SLC30A3: variants seen among roughly 807,000 people sequenced by gnomAD.
SLC30A3 encodes solute carrier family 30 member 3, also known as probable proton-coupled zinc antiporter SLC30A3.
Under a neutral mutation model 35.6 loss-of-function variants are expected in SLC30A3, and 20 were observed. The observed-to-expected ratio is 0.56, with a 90% confidence interval of 0.39 to 0.82. The LOEUF is 0.82. SLC30A3 is among the 40% of genes least tolerant of loss of function. The probability of loss-of-function intolerance (pLI) is 0.00; values close to 1 mark genes in which losing one functional copy is unlikely to be tolerated. For missense variants in SLC30A3, 401 were observed against 530.6 expected, an observed-to-expected ratio of 0.76 and a Z score of 2.40; for synonymous variants, 217 against 224.7, an observed-to-expected ratio of 0.97 and a Z score of 0.31.
At chr2:27,260,321 G>T (rs1410495051) in intron 1 of SLC30A3, among the ~76,000 whole-genome samples, 1 of 152,186 alleles carries the variant, frequency 6.6e-6, no homozygotes, top group Non-Finnish European at 1.5e-5. Flanking sequence ...ATGGCAGTGG[G>T]AGGAGCATGT....
Position 27,258,980 on chromosome 2 carries a change from G to C in SLC30A3, c.96-46C>G. The C allele has an allele frequency of 6.7e-7, 1 of 1,483,034 alleles. No homozygotes were observed. The highest frequency in any genetic ancestry group is 2.3e-5 in the East Asian group (1 of 43,580). The allele number at this position is 1,483,034 out of a possible 1,614,324, so 91.9% of individuals were successfully genotyped here. On this transcript the variant is annotated intron_variant, in intron 1 of 7. Coordinates refer to ENST00000233535, the MANE Select transcript of SLC30A3 (RefSeq NM_003459.5). The surrounding 1 kb of genome is among the most constrained non-coding windows in gnomAD (Gnocchi z 4.0). ...CAACCTGGGCCTGGCCCACAGGCTGGCCTGCTCACTCCACGTCCTTAGTCC... is the reference window on the plus strand; with the variant it reads ...CAACCTGGGCCTGGCCCACAGGCTGCCCTGCTCACTCCACGTCCTTAGTCC...
rs1346073119 is a variant in SLC30A3, at chr2:27,262,557, G to A, written c.95+255C>T. Among the ~76,000 whole-genome samples, 1 of 152,056 alleles carries A rather than the reference G, an allele frequency of 6.6e-6. No individual in the cohort carries two copies. Among genetic ancestry groups the A allele is most frequent in the Non-Finnish European group, 1.5e-5 (1 of 67,992 alleles). ...CGCGGGGGTGGCGGAGGGGTCCGGCGGCCTGGGACGCCGGCCGGAGGGGAG... is the reference window on the plus strand; with the variant it reads ...CGCGGGGGTGGCGGAGGGGTCCGGCAGCCTGGGACGCCGGCCGGAGGGGAG... On this transcript the variant is annotated intron_variant, in intron 1 of 7. Coordinates refer to ENST00000233535, the MANE Select transcript of SLC30A3 (RefSeq NM_003459.5). The surrounding 1 kb of genome is among the most constrained non-coding windows in gnomAD (Gnocchi z 7.5).
At chr2:27,268,452 G>T (rs1427153178) in intron 1 of SLC30A3, among the ~76,000 whole-genome samples, 1 of 152,180 alleles carries the variant, frequency 6.6e-6, no homozygotes, top group Non-Finnish European at 1.5e-5. Flanking sequence ...CTGTTTGATT[G>T]CTGTGAAAGG....
At chr2:27,261,988 G>A (rs180712574) in intron 1 of SLC30A3, 77 of 152,636 alleles carry the variant, frequency 5.0e-4, no homozygotes, top group African/African-American at 1.7e-3. Context: ...AGAAAAAGCC[G>A]GAGACCCTGC....
Position 27,255,017 on chromosome 2 carries a change from T to C in SLC30A3, c.*295A>G, listed in dbSNP as rs553918714. ...GATGTTCGTGGCTCCACATGAACCATGGGGAGATGGCACCACAGGCCTTCA... is the reference window on the plus strand; with the variant it reads ...GATGTTCGTGGCTCCACATGAACCACGGGGAGATGGCACCACAGGCCTTCA... On this transcript the variant is annotated 3_prime_UTR_variant, in exon 8 of 8. Transcript: ENST00000233535. This position sits in a 1 kb window ranked among gnomAD's most constrained non-coding sequence, Gnocchi z 5.2. 1 of 1,269,660 alleles carries C rather than the reference T, an allele frequency of 7.9e-7. No individual in the cohort carries two copies. The highest frequency in any genetic ancestry group is 1.0e-6 in the Non-Finnish European group (1 of 971,838). The allele number at this position is 1,269,660 out of a possible 1,614,324, so 78.6% of individuals were successfully genotyped here. A position where few individuals can be genotyped will look rare whatever the true frequency, so the allele number is the denominator to read the frequency against.
intron 1 of SLC30A3, among the ~76,000 whole-genome samples, chr2:27,274,322 C>G (rs1677886200): frequency 6.6e-6 from 1 of 152,014 alleles, no homozygotes; most frequent in South Asian, 2.1e-4. Context: ...GAGACTCCAC[C>G]TCAAAACACA....
upstream of SLC30A3, among the ~76,000 whole-genome samples, chr2:27,267,245 T>C (rs1290654773): frequency 1.3e-5 from 2 of 152,206 alleles, no homozygotes; most frequent in Non-Finnish European, 2.9e-5. Context: ...TCTTCTTGAT[T>C]ACTGCAATAG....
rs1009906175 is a variant in SLC30A3 at position 27,258,385 on chromosome 2, G to A, written c.278-78C>T. 1 of 1,387,482 alleles carries A rather than the reference G, an allele frequency of 7.2e-7. No individual in the cohort carries two copies. Among genetic ancestry groups the A allele is most frequent in the Non-Finnish European group, 9.6e-7 (1 of 1,045,626 alleles). The allele number at this position is 1,387,482 out of a possible 1,614,324, so 85.9% of individuals were successfully genotyped here. A position where few individuals can be genotyped will look rare whatever the true frequency, so the allele number is the denominator to read the frequency against. ...GTGTATAGGCATGGAAAATAAATTG[G>A]GGGATATACACCAAAAATGTGATTT... is the stretch of plus-strand genomic sequence containing the variant. On this transcript the variant is annotated intron_variant, in intron 2 of 7. Coordinates refer to ENST00000233535, the MANE Select transcript of SLC30A3 (RefSeq NM_003459.5). The surrounding 1 kb of genome is among the most constrained non-coding windows in gnomAD (Gnocchi z 4.0).
In SLC30A3 at chr2:27,255,385, C is replaced by A; in HGVS notation, c.1094G>T (p.Cys365Phe). Reference sequence around the variant, plus strand: ...CTGATACTGCTCGACCTGCAGGGTGCAGCTGGAGAATCCAAACCGGGAGTA... The same window carrying A: ...CTGATACTGCTCGACCTGCAGGGTGAAGCTGGAGAATCCAAACCGGGAGTA... Reference protein sequence around the residue: ...RLYSRFGFSSCTLQVEQYQPE... With the variant: ...RLYSRFGFSSFTLQVEQYQPE... The change falls in exon 8 of 8, where the codon TGC becomes TTC. Residue 365 changes from cysteine (C) to phenylalanine (F), a missense_variant. Around this residue, in one of 3 missense-constraint regions of SLC30A3, gnomAD observed 296 missense variants for 392.6 expected, o/e 0.75. Transcript: ENST00000233535. This position sits in a 1 kb window ranked among gnomAD's most constrained non-coding sequence, Gnocchi z 5.2. The A allele has an allele frequency of 6.2e-7, 1 of 1,614,160 alleles. No individual in the cohort carries two copies. Among genetic ancestry groups the A allele is most frequent in the Non-Finnish European group, 8.5e-7 (1 of 1,180,032 alleles).
intron 1 of SLC30A3, chr2:27,275,072 G>T: frequency 1.6e-6 from 1 of 620,192 alleles, no homozygotes; most frequent in Non-Finnish European, 2.6e-6. Context: ...GGTTGTGGAG[G>T]TGTTTCCGGG....
upstream of SLC30A3, among the ~76,000 whole-genome samples, chr2:27,266,086 G>C (rs1677486204): frequency 6.7e-6 from 1 of 149,758 alleles, no homozygotes; most frequent in African/African-American, 2.5e-5. Flanking sequence ...TGGAAACAGG[G>C]TCTCACTCTG....
chr2:27,257,691 G>C lies in SLC30A3; in HGVS notation c.578+214C>G. 1.6e-6 allele frequency: 1 copy of C among 609,494 alleles called. No individual in the cohort carries two copies. Among genetic ancestry groups the C allele is most frequent in the Non-Finnish European group, 2.9e-6 (1 of 346,456 alleles). 37.8% of individuals were successfully genotyped at this position (609,494 alleles called of 1,614,324 possible). On this transcript the variant is annotated intron_variant, in intron 4 of 7. Coordinates refer to ENST00000233535, the MANE Select transcript of SLC30A3 (RefSeq NM_003459.5). The surrounding 1 kb of genome is among the most constrained non-coding windows in gnomAD (Gnocchi z 4.7). ...CATGTTGATGAAAGCCCTCATCAGA[G>C]TGGCTGGCCCATGGCAGGCCCTTGA...
Position 27,255,597 on chromosome 2 carries a change from A to G in SLC30A3, c.1019-137T>C. 1.1e-6 allele frequency: 1 copy of G among 901,080 alleles called. No individual in the cohort carries two copies. Among genetic ancestry groups the G allele is most frequent in the South Asian group, 1.7e-5 (1 of 59,568 alleles). The allele number at this position is 901,080 out of a possible 1,614,324, so 55.8% of individuals were successfully genotyped here. ...AAGCCTGCTTTTCTTTCTGTATTGT[A>G]TGAACAGCATAAAAGTGTCAAATCA... On this transcript the variant is annotated intron_variant, in intron 7 of 7. Transcript: ENST00000233535. The surrounding 1 kb of genome is among the most constrained non-coding windows in gnomAD (Gnocchi z 5.2).
upstream of SLC30A3, among the ~76,000 whole-genome samples, chr2:27,267,227 A>G (rs1447707984): frequency 6.6e-6 from 1 of 152,026 alleles, no homozygotes; most frequent in Non-Finnish European, 1.5e-5. Flanking sequence ...CCAAACCACT[A>G]TCATCTGTCT....
rs894119117 is a variant in SLC30A3 at position 27,262,503 on chromosome 2, C to T, written c.95+309G>A. On this transcript the variant is annotated intron_variant, in intron 1 of 7. Coordinates refer to ENST00000233535, the MANE Select transcript of SLC30A3 (RefSeq NM_003459.5). This position sits in a 1 kb window ranked among gnomAD's most constrained non-coding sequence, Gnocchi z 7.5. ...GGGCGAGGGCTCCGGCCCGACCGAG[C>T]GGCAGCTGCTCCCAGGGAAGGCAGG... is the stretch of plus-strand genomic sequence containing the variant. Among the ~76,000 whole-genome samples, 1 of 152,006 alleles carries T rather than the reference C, an allele frequency of 6.6e-6. No homozygotes were observed. Among genetic ancestry groups the T allele is most frequent in the Non-Finnish European group, 1.5e-5 (1 of 67,968 alleles).
intron 1 of SLC30A3, among the ~76,000 whole-genome samples, chr2:27,269,666 A>T (rs1311835195): frequency 5.3e-5 from 8 of 152,018 alleles, no homozygotes. Context: ...GAGCACAAGC[A>T]GAAGCTTAAG....
At chr2:27,256,107 A>C in intron 7 of SLC30A3, 1 of 477,524 alleles carries the variant, frequency 2.1e-6, no homozygotes, top group Non-Finnish European at 3.8e-6. Flanking sequence ...GTAGGTACTA[A>C]TGATCTTTTA....
rs886130435 is a variant in SLC30A3 at position 27,262,545 on chromosome 2, G to A, written c.95+267C>T. 3.9e-5 allele frequency among the ~76,000 whole-genome samples: 6 copies of A among 152,202 alleles called. No homozygotes were observed. Among genetic ancestry groups the A allele is most frequent in the Middle Eastern group, 3.4e-3 (1 of 292 alleles). ...GAAGGCAGGCGCCGCGGGGGTGGCGGAGGGGTCCGGCGGCCTGGGACGCCG... is the reference window on the plus strand; with the variant it reads ...GAAGGCAGGCGCCGCGGGGGTGGCGAAGGGGTCCGGCGGCCTGGGACGCCG... On this transcript the variant is annotated intron_variant, in intron 1 of 7. Coordinates refer to ENST00000233535, the MANE Select transcript of SLC30A3 (RefSeq NM_003459.5). This position sits in a 1 kb window ranked among gnomAD's most constrained non-coding sequence, Gnocchi z 7.5.
At chr2:27,268,858 T>C (rs558810968) in intron 1 of SLC30A3, among the ~76,000 whole-genome samples, 1 of 152,122 alleles carries the variant, frequency 6.6e-6, no homozygotes, top group African/African-American at 2.4e-5. Flanking sequence ...GTGAGCAAAG[T>C]AGTAAGATGG....
Sources: allele counts gnomAD v4.1 joint callset (sites outside exome capture counted in the v4.1 genomes callset), GRCh38; gene constraint gnomAD v4.1.1; regional missense constraint gnomAD v4.1.1; non-coding constraint Gnocchi (gnomAD v3.1); transcripts MANE v1.5; gene names NCBI Gene and HGNC (gene_info 2026-07-23, HGNC 2026-07-21).